HLCS: variants seen among roughly 807,000 people sequenced by gnomAD.
HLCS encodes the protein biotin--protein ligase.
HLCS carries 53 observed loss-of-function variants against 75.0 expected under a neutral mutation model. That is an observed-to-expected ratio of 0.71 (90% CI 0.57 to 0.89). The LOEUF is 0.89. HLCS is among the 40% of genes least tolerant of loss of function. The pLI is 0.00. For missense variants in HLCS, 966 were observed against 1,074.0 expected (o/e 0.90, Z 1.41); for synonymous variants, 431 against 428.6 (o/e 1.01, Z -0.07).
chr21:36,787,177 G>A (rs1453454821), intron 6 of HLCS, among the ~76,000 whole-genome samples: 1 of 152,258 alleles, frequency 6.6e-6, no homozygotes, highest in African/African-American at 2.4e-5. Flanking sequence ...GGGGCTGTGG[G>A]TGTCGGTGTG....
chr21:36,919,984 G>C (rs1248122960), intron 5 of HLCS, among the ~76,000 whole-genome samples: 1 of 152,140 alleles, frequency 6.6e-6, no homozygotes, highest in Non-Finnish European at 1.5e-5. Context: ...GGATGAGAAA[G>C]GTCATCTTGT....
chr21:36,834,624 T>C (rs945790541), intron 6 of HLCS, among the ~76,000 whole-genome samples: 2 of 152,192 alleles, frequency 1.3e-5, no homozygotes, highest in Non-Finnish European at 2.9e-5. Context: ...GGCACGATCT[T>C]GGCTCACTGC....
chr21:36,870,290 C>T (rs1952410614), intron 6 of HLCS, among the ~76,000 whole-genome samples: 1 of 152,058 alleles, frequency 6.6e-6, no homozygotes, highest in African/African-American at 2.4e-5. Context: ...AGGCTTATTA[C>T]CATGAAGGGG....
intron 6 of HLCS, among the ~76,000 whole-genome samples, chr21:36,803,127 G>A (rs1046224820): frequency 6.6e-6 from 1 of 152,230 alleles, no homozygotes; most frequent in Admixed American, 6.5e-5. Flanking sequence ...AGACAGGTCA[G>A]AACACACTAC....
intron 2 of HLCS, among the ~76,000 whole-genome samples, chr21:36,961,529 CAAT>C (rs772814634): frequency 4.0e-5 from 6 of 151,378 alleles, no homozygotes; most frequent in Non-Finnish European, 5.9e-5. Context: ...AAAATAATAA[CAAT>C]AAATTTTTCT....
At chr21:36,871,917 C>A (rs1244194710) in intron 6 of HLCS, among the ~76,000 whole-genome samples, 5 of 152,108 alleles carry the variant, frequency 3.3e-5, no homozygotes, top group Non-Finnish European at 7.4e-5. Flanking sequence ...CAGGAAAATG[C>A]AGATTGAAAG....
At position 36,862,282 on chromosome 21, in the gene HLCS, G is replaced by A. The variant is rs75070416; in HGVS notation, c.1892+34578C>T. On this transcript the variant is annotated intron_variant, in intron 6 of 10. Transcript: ENST00000674895. Reference sequence around the variant, plus strand: ...CATGCAAGTTTTTGTGTGGACCTCTGTTTTCATCTCTCTTGGGTAGGTGTC... The same window carrying A: ...CATGCAAGTTTTTGTGTGGACCTCTATTTTCATCTCTCTTGGGTAGGTGTC... Among the ~76,000 whole-genome samples, 1,098 of 152,318 alleles carry A rather than the reference G, an allele frequency of 7.2e-3. 15 individuals are homozygous for A. The highest frequency in any genetic ancestry group is 0.025 in the African/African-American group (1,054 of 41,566).
chr21:36,957,195 C>T (rs1307948159), intron 2 of HLCS, among the ~76,000 whole-genome samples: 1 of 152,058 alleles, frequency 6.6e-6, no homozygotes, highest in Non-Finnish European at 1.5e-5. Flanking sequence ...GGGAACAGAT[C>T]CCTCATGAAT....
chr21:36,941,180 C>A (rs1165306283), intron 2 of HLCS, among the ~76,000 whole-genome samples: 1 of 152,190 alleles, frequency 6.6e-6, no homozygotes, highest in East Asian at 1.9e-4. Context: ...CCATTGCACT[C>A]CAGCCTGGGT....
intron 6 of HLCS, among the ~76,000 whole-genome samples, chr21:36,888,376 T>G (rs1299076908): frequency 6.8e-6 from 1 of 146,392 alleles, no homozygotes; most frequent in Non-Finnish European, 1.5e-5. Context: ...CGAAATACTA[T>G]CTTTCTTAAA....
intron 6 of HLCS, among the ~76,000 whole-genome samples, chr21:36,829,805 G>A (rs1180483100): frequency 1.3e-5 from 2 of 152,024 alleles, no homozygotes; most frequent in Non-Finnish European, 2.9e-5. Flanking sequence ...CCCTCTCCCC[G>A]GCCCTCTCCC....
intron 5 of HLCS, among the ~76,000 whole-genome samples, chr21:36,900,880 T>C (rs568907168): frequency 6.6e-6 from 1 of 152,308 alleles, no homozygotes; most frequent in South Asian, 2.1e-4. Context: ...ACAGATCTGC[T>C]GCTGGAAATA....
At chr21:36,905,350 G>C (rs2065406401) in intron 5 of HLCS, among the ~76,000 whole-genome samples, 1 of 152,210 alleles carries the variant, frequency 6.6e-6, no homozygotes, top group African/African-American at 2.4e-5. Flanking sequence ...GTATGGTCTT[G>C]AGATGGCTAC....
intron 6 of HLCS, among the ~76,000 whole-genome samples, chr21:36,861,885 AC>A (rs936846345): frequency 2.0e-5 from 3 of 151,976 alleles, no homozygotes; most frequent in Non-Finnish European, 4.4e-5. Flanking sequence ...CAGATTCATC[AC>A]CCCCAAAAGA....
At chr21:36,878,441 T>C (rs1327452832) in intron 6 of HLCS, among the ~76,000 whole-genome samples, 1 of 152,170 alleles carries the variant, frequency 6.6e-6, no homozygotes, top group Non-Finnish European at 1.5e-5. Flanking sequence ...AGATATTCTA[T>C]CCCAAGTGAA....
At chr21:36,762,531 C>T (rs1456068191) in intron 8 of HLCS, among the ~76,000 whole-genome samples, 1 of 152,156 alleles carries the variant, frequency 6.6e-6, no homozygotes, top group Non-Finnish European at 1.5e-5. Context: ...ACGGTGACAT[C>T]TGGTTAGGGA....
At chr21:36,807,490 C>A (rs2061393817) in intron 6 of HLCS, among the ~76,000 whole-genome samples, 1 of 152,196 alleles carries the variant, frequency 6.6e-6, no homozygotes, top group South Asian at 2.1e-4. Context: ...TCAGAACTGA[C>A]CACCCTAAGG....
chr21:36,956,596 G>C (rs943494854), intron 2 of HLCS, among the ~76,000 whole-genome samples: 2 of 152,044 alleles, frequency 1.3e-5, no homozygotes, highest in African/African-American at 4.8e-5. Context: ...CGGGTGTGGT[G>C]GTGGGCGCCT....
chr21:36,947,246 A>C, intron 2 of HLCS: 1 of 629,796 alleles, frequency 1.6e-6, no homozygotes, highest in African/African-American at 2.0e-5. Context: ...GGAGATAAAC[A>C]AAGGAAGAGG....
Sources: allele counts gnomAD v4.1 joint callset (sites outside exome capture counted in the v4.1 genomes callset), GRCh38; gene constraint gnomAD v4.1.1; transcripts MANE v1.5; gene names NCBI Gene and HGNC (gene_info 2026-07-23, HGNC 2026-07-21).